GYPE: variants seen among roughly 807,000 people sequenced by gnomAD.
GYPE encodes the protein glycophorin E (MNS blood group).
In GYPE, 8 loss-of-function variants were observed where a neutral mutation model predicts 11.6. The ratio of observed to expected loss-of-function variants is 0.69; its 90% CI spans 0.41 to 1.25. GYPE has a LOEUF of 1.25. GYPE is among the 50% of genes most tolerant of loss of function. The pLI is 0.01. For synonymous variants in GYPE, 28 were observed against 29.6 expected, an observed-to-expected ratio of 0.94 and a Z score of 0.18; for missense variants, 90 against 92.8, an observed-to-expected ratio of 0.97 and a Z score of 0.12.
intron 1 of GYPE, among the ~76,000 whole-genome samples, chr4:143,881,880 C>A (rs553263859): frequency 8.5e-5 from 13 of 152,268 alleles, no homozygotes; most frequent in Non-Finnish European, 7.4e-5. Flanking sequence ...TCAGAGGCAG[C>A]CAACTTGGCC....
rs545727398 is a variant in GYPE at position 143,904,420 on chromosome 4, ATG to A, written c.37+1049_37+1050del. Among the ~76,000 whole-genome samples the A allele has an allele frequency of 4.6e-4, 70 of 152,294 alleles. No individual in the cohort carries two copies. The East Asian group carries it at 0.013, about 29-fold the overall frequency. ...ATTTTAAAGACAAGGACACATAAAA[ATG>A]TGGGCACATAATTTGCCTTAATGTT... On this transcript the variant is annotated intron_variant, in intron 1 of 3. Coordinates refer to ENST00000358615, the MANE Select transcript of GYPE (RefSeq NM_198682.3).
At chr4:143,904,497 C>T (rs183703107) in intron 1 of GYPE, among the ~76,000 whole-genome samples, 3 of 152,248 alleles carry the variant, frequency 2.0e-5, no homozygotes, top group Admixed American at 2.0e-4. Context: ...CTGTGTGTTC[C>T]TCATGCCTGT....
At chr4:143,879,133 GT>G (rs1206781501) in intron 2 of GYPE, among the ~76,000 whole-genome samples, 2 of 152,112 alleles carry the variant, frequency 1.3e-5, no homozygotes, top group Non-Finnish European at 2.9e-5. Flanking sequence ...AATCTAAACT[GT>G]TACTGTGTCT....
At position 143,876,872 on chromosome 4, in the gene GYPE, GAGCGGCAAAATTATGAA is replaced by G. The variant is rs748849387; in HGVS notation, c.137-34_137-18del. The G allele has an allele frequency of 4.1e-5, 60 of 1,458,728 alleles. No individual in the cohort carries two copies. In the African/African-American group the frequency reaches 7.6e-4, roughly 19 times the overall value. 90.4% of individuals were successfully genotyped at this position (1,458,728 alleles called of 1,614,324 possible). On this transcript the variant is annotated intron_variant, in intron 2 of 3. Transcript: ENST00000358615. ...GTGTTATCCCTACAGGAGATAAAGAGAGCGGCAAAATTATGAAAGTCTGAAATAAATGACCACATCCA... is the reference window on the plus strand; with the variant it reads ...GTGTTATCCCTACAGGAGATAAAGAGAGTCTGAAATAAATGACCACATCCA...
intron 1 of GYPE, among the ~76,000 whole-genome samples, chr4:143,883,748 C>A (rs939323708): frequency 6.6e-6 from 1 of 150,384 alleles, no homozygotes; most frequent in African/African-American, 2.4e-5. Context: ...ATGCAAGCAT[C>A]TGGAAAAATA....
chr4:143,878,116 T>TTTTA (rs1485713545), intron 2 of GYPE, among the ~76,000 whole-genome samples: 1 of 151,866 alleles, frequency 6.6e-6, no homozygotes, highest in African/African-American at 2.4e-5. Context: ...TCCAAAATGT[T>TTTTA]TTTATTTATT....
chr4:143,871,824 C>T lies in GYPE; in HGVS notation c.*438G>A, dbSNP rs377475118. On this transcript the variant is annotated 3_prime_UTR_variant, in exon 4 of 4. Transcript: ENST00000358615. ...GGAAAGGGAATTGTGGTTGGACAACCGAGTTCTGAGAAAGGCAGTGATTGA... is the reference window on the plus strand; with the variant it reads ...GGAAAGGGAATTGTGGTTGGACAACTGAGTTCTGAGAAAGGCAGTGATTGA... 9 of 152,140 alleles carry T rather than the reference C, an allele frequency of 5.9e-5. No homozygotes were observed. Among genetic ancestry groups the T allele is most frequent in the Admixed American group, 2.0e-4 (3 of 15,268 alleles). 9.4% of individuals were successfully genotyped at this position (152,140 alleles called of 1,614,324 possible). A position where few individuals can be genotyped will look rare whatever the true frequency, so the allele number is the denominator to read the frequency against.
chr4:143,897,174 A>G (rs570165129), intron 1 of GYPE, among the ~76,000 whole-genome samples: 1 of 152,084 alleles, frequency 6.6e-6, no homozygotes, highest in Non-Finnish European at 1.5e-5. Flanking sequence ...AAAAAAAATT[A>G]AGTTGTATTC....
intron 2 of GYPE, among the ~76,000 whole-genome samples, chr4:143,879,472 G>A (rs1393937176): frequency 1.3e-5 from 2 of 152,110 alleles, no homozygotes; most frequent in Non-Finnish European, 2.9e-5. Flanking sequence ...ATGGTTGTGG[G>A]TGGTATATGG....
intron 2 of GYPE, among the ~76,000 whole-genome samples, chr4:143,879,675 G>A (rs17696554): frequency 0.18 from 26,659 of 152,186 alleles, 2,789 homozygotes; most frequent in Middle Eastern, 0.3. Flanking sequence ...AACACTATGA[G>A]CTGGATATGT....
intron 1 of GYPE, among the ~76,000 whole-genome samples, chr4:143,886,479 C>A (rs1468054202): frequency 8.9e-6 from 1 of 112,922 alleles, no homozygotes; most frequent in Non-Finnish European, 1.9e-5. Flanking sequence ...ACAGCTCACA[C>A]AACTACTTGG....
intron 1 of GYPE, among the ~76,000 whole-genome samples, chr4:143,899,632 C>T (rs1406694076): frequency 6.6e-6 from 1 of 150,792 alleles, no homozygotes; most frequent in African/African-American, 2.4e-5. Context: ...ACATATTCTT[C>T]GGATAGAATT....
In GYPE at chr4:143,903,524, CAAAAA is replaced by C. The variant is rs11400558; in HGVS notation, c.37+1942_37+1946del. 3.6e-3 allele frequency among the ~76,000 whole-genome samples: 352 copies of C among 98,864 alleles called. 4 individuals carry two copies. The highest frequency in any genetic ancestry group is 2.8e-3 in the Non-Finnish European group (149 of 53,050). The allele number at this position is 98,864 out of a possible 152,430, so 64.9% of individuals were successfully genotyped here. ...CAAGGCAATCGTCTTTTTTTCATAG[CAAAAA>C]AAAAAAAAAAAAAGAAAAAAAAAGA... On this transcript the variant is annotated intron_variant, in intron 1 of 3. Coordinates refer to ENST00000358615, the MANE Select transcript of GYPE (RefSeq NM_198682.3).
chr4:143,885,188 G>C (rs555888869), intron 1 of GYPE, among the ~76,000 whole-genome samples: 40 of 152,208 alleles, frequency 2.6e-4, no homozygotes, highest in African/African-American at 9.4e-4. Flanking sequence ...ATTGTCAAAA[G>C]AATATGGCAA....
chr4:143,898,074 TG>T (rs1744723014), intron 1 of GYPE, among the ~76,000 whole-genome samples: 1 of 152,120 alleles, frequency 6.6e-6, no homozygotes, highest in Non-Finnish European at 1.5e-5. Flanking sequence ...ACTTTTAGAT[TG>T]AGTCAAAAGA....
At chr4:143,903,787 T>C (rs917449608) in intron 1 of GYPE, among the ~76,000 whole-genome samples, 12 of 128,032 alleles carry the variant, frequency 9.4e-5, no homozygotes, top group Non-Finnish European at 8.2e-5. Flanking sequence ...CACTATCTGC[T>C]TGTGTAGTTG....
intron 3 of GYPE, 134 bp downstream of exon 3, chr4:143,876,612 A>G (rs975853455): frequency 8.1e-6 from 5 of 613,756 alleles, no homozygotes; most frequent in Non-Finnish European, 6.0e-6. Context: ...AGTGACTTCT[A>G]TGTGTCCAGT....
intron 1 of GYPE, among the ~76,000 whole-genome samples, chr4:143,891,629 A>T (rs1272702661): frequency 6.6e-6 from 1 of 152,022 alleles, no homozygotes; most frequent in Non-Finnish European, 1.5e-5. Context: ...CACCTGGCCT[A>T]TTTTGATTTT....
At chr4:143,890,574 C>A (rs1418007087) in intron 1 of GYPE, among the ~76,000 whole-genome samples, 2 of 152,202 alleles carry the variant, frequency 1.3e-5, no homozygotes, top group Admixed American at 6.5e-5. Flanking sequence ...GATATCCAGG[C>A]ATTGGATTCT....
Sources: allele counts gnomAD v4.1 joint callset (sites outside exome capture counted in the v4.1 genomes callset), GRCh38; gene constraint gnomAD v4.1.1; transcripts MANE v1.5; gene names NCBI Gene and HGNC (gene_info 2026-07-23, HGNC 2026-07-21).